Variants in GAP43 observed in about 807,000 individuals in gnomAD.
GAP43 encodes neuromodulin.
A neutral mutation model predicts 18.6 loss-of-function variants in GAP43; 6 were observed. The ratio of observed to expected loss-of-function variants is 0.32; its 90% confidence interval spans 0.18 to 0.64. The LOEUF (loss-of-function observed/expected upper bound fraction) is 0.64, where lower values mean the gene tolerates loss of function less well. Ranked by LOEUF, GAP43 falls within the 30% of genes least tolerant of loss-of-function variation. GAP43 has a pLI of 0.78. For synonymous variants in GAP43, 115 were observed against 111.4 expected (o/e 1.03, Z -0.20); for missense variants, 292 against 295.5 (o/e 0.99, Z 0.09).
At chr3:115,661,813 C>G (rs1450568344) in intron 1 of GAP43, among the ~76,000 whole-genome samples, 3 of 106,612 alleles carry the variant, frequency 2.8e-5, no homozygotes, top group African/African-American at 1.2e-4. Flanking sequence ...GCAAGTTTGG[C>G]TTGGGGAGAA....
chr3:115,675,482 C>A (rs1196601191), intron 1 of GAP43, among the ~76,000 whole-genome samples: 1 of 152,116 alleles, frequency 6.6e-6, no homozygotes, highest in African/African-American at 2.4e-5. Context: ...ATGCCAGTGG[C>A]CAGATGCGGT....
At chr3:115,706,201 A>G (rs1044605550) in intron 2 of GAP43, among the ~76,000 whole-genome samples, 3 of 152,158 alleles carry the variant, frequency 2.0e-5, no homozygotes, top group Admixed American at 1.3e-4. Flanking sequence ...GAAAAATCTC[A>G]TTGCATCTTA....
rs187340750 is a variant in GAP43 at position 115,711,595 on chromosome 3, G to A, written c.629-9199G>A. 1.0e-3 allele frequency among the ~76,000 whole-genome samples: 155 copies of A among 152,106 alleles called. 1 individual carries two copies. Among genetic ancestry groups the A allele is most frequent in the African/African-American group, 3.6e-3 (148 of 41,494 alleles). On this transcript the variant is annotated intron_variant, in intron 2 of 2. Transcript: ENST00000305124. ...CTATTAGTTAACAACACTCACTATC[G>A]CATTATTTTTCTATTCTTGTCATGG...
At chr3:115,711,812 T>C (rs1177718030) in intron 2 of GAP43, among the ~76,000 whole-genome samples, 2 of 33,314 alleles carry the variant, frequency 6.0e-5, no homozygotes, top group Non-Finnish European at 1.7e-4. Context: ...TTTGACTGTT[T>C]GTTATACTAA....
intron 2 of GAP43, among the ~76,000 whole-genome samples, chr3:115,708,806 A>C (rs1000523542): frequency 6.6e-6 from 1 of 152,122 alleles, no homozygotes; most frequent in African/African-American, 2.4e-5. Flanking sequence ...GACCTGGTAA[A>C]GAAGATCTGA....
intron 2 of GAP43, among the ~76,000 whole-genome samples, chr3:115,714,054 T>G (rs1299408246): frequency 6.6e-6 from 1 of 152,242 alleles, no homozygotes; most frequent in Non-Finnish European, 1.5e-5. Flanking sequence ...TTTGCTAGCA[T>G]ATAAATTCCA....
At chr3:115,634,005 A>G (rs950601847) in intron 1 of GAP43, among the ~76,000 whole-genome samples, 1 of 152,200 alleles carries the variant, frequency 6.6e-6, no homozygotes, top group Non-Finnish European at 1.5e-5. Context: ...GGCACTTTGT[A>G]AAATATTTGC....
chr3:115,682,896 G>A (rs184926939), intron 2 of GAP43, among the ~76,000 whole-genome samples: 4 of 152,234 alleles, frequency 2.6e-5, no homozygotes, highest in Admixed American at 2.6e-4. Flanking sequence ...GTGTTGTGGA[G>A]TCACATGACT....
At chr3:115,655,782 T>C (rs999558498) in intron 1 of GAP43, among the ~76,000 whole-genome samples, 4 of 152,250 alleles carry the variant, frequency 2.6e-5, no homozygotes, top group Non-Finnish European at 5.9e-5. Flanking sequence ...GCATTTTGCT[T>C]CTGGGACAGA....
chr3:115,692,106 A>G (rs973692195), intron 2 of GAP43, among the ~76,000 whole-genome samples: 1 of 152,184 alleles, frequency 6.6e-6, no homozygotes, highest in Admixed American at 6.5e-5. Context: ...TGGCAAAATG[A>G]CCTTGTCTTT....
At chr3:115,713,970 G>A (rs1410303837) in intron 2 of GAP43, among the ~76,000 whole-genome samples, 1 of 152,128 alleles carries the variant, frequency 6.6e-6, no homozygotes, top group East Asian at 1.9e-4. Flanking sequence ...CGCTCCTTAG[G>A]GCTGAGTGCT....
intron 2 of GAP43, among the ~76,000 whole-genome samples, chr3:115,704,996 G>A (rs1709342793): frequency 6.6e-6 from 1 of 152,062 alleles, no homozygotes; most frequent in Non-Finnish European, 1.5e-5. Flanking sequence ...CATTTGCTTT[G>A]ATAAAATTAA....
rs374365478 is a variant in GAP43 at position 115,676,048 on chromosome 3, A to G, written c.66A>G (p.Gln22=). ...EKNDDDQKIE[Q]DGIKPEDKAH... Reference sequence around the variant, plus strand: ...ATGATGACGACCAAAAGATTGAACAAGATGGTATCAAACCAGAAGATAAAG... The same window carrying G: ...ATGATGACGACCAAAAGATTGAACAGGATGGTATCAAACCAGAAGATAAAG... The change falls in exon 2 of 3, where the codon CAA becomes CAG. Residue 22 remains glutamine, a synonymous_variant. Transcript: ENST00000305124. The G allele has an allele frequency of 1.9e-6, 3 of 1,612,362 alleles. No individual in the cohort carries two copies. The highest frequency in any genetic ancestry group is 1.3e-5 in the African/African-American group (1 of 74,674).
At chr3:115,675,903 A>C in intron 1 of GAP43, 110 bp from the exon 2 acceptor site, 3 of 1,471,644 alleles carry the variant, frequency 2.0e-6, no homozygotes, top group Non-Finnish European at 2.7e-6. Flanking sequence ...AACTCCAAAA[A>C]CAGTGCCTGG....
Position 115,664,600 on chromosome 3 carries a change from C to T in GAP43, c.31-11413C>T, listed in dbSNP as rs368598508. Among the ~76,000 whole-genome samples, 8 of 152,192 alleles carry T rather than the reference C, an allele frequency of 5.3e-5. No individual in the cohort carries two copies. In the East Asian group the frequency reaches 1.5e-3, roughly 29 times the overall value. ...GATTCAAACTCAGATCTTTTGACCC[C>T]AAAACCATGCCAGGTAGCAAGTAAT... On this transcript the variant is annotated intron_variant, in intron 1 of 2. Transcript: ENST00000305124.
chr3:115,649,523 A>C (rs555807074), intron 1 of GAP43, among the ~76,000 whole-genome samples: 1 of 152,276 alleles, frequency 6.6e-6, no homozygotes, highest in South Asian at 2.1e-4. Flanking sequence ...GTAACAGAAG[A>C]AATCAATGTG....
chr3:115,663,512 T>A, intron 1 of GAP43: 1 of 1,208,352 alleles, frequency 8.3e-7, no homozygotes, highest in Non-Finnish European at 1.0e-6. Flanking sequence ...TTTTCTCTTT[T>A]GCTTTCAGAA....
At chr3:115,625,765 A>C (rs1708179863) in intron 1 of GAP43, among the ~76,000 whole-genome samples, 1 of 152,194 alleles carries the variant, frequency 6.6e-6, no homozygotes, top group South Asian at 2.1e-4. Flanking sequence ...TCTGATGTGC[A>C]AAGTGATGAA....
chr3:115,694,175 G>A (rs1014877867), intron 2 of GAP43, among the ~76,000 whole-genome samples: 1 of 152,198 alleles, frequency 6.6e-6, no homozygotes. Context: ...AGTGGCTGCC[G>A]CTGCTGTTAC....
Sources: gnomAD v4.1 joint callset for allele counts (sites outside exome capture counted in the v4.1 genomes callset) on GRCh38, gnomAD v4.1.1 for gene constraint, MANE v1.5 for transcripts, NCBI Gene and HGNC (gene_info 2026-07-23, HGNC 2026-07-21) for gene names.